Variants in FGF14 observed in about 807,000 individuals in gnomAD.
The protein encoded by FGF14 is fibroblast growth factor 14.
A neutral mutation model predicts 25.5 loss-of-function variants in FGF14; 5 were observed. That is an observed-to-expected ratio of 0.20 (90% CI 0.10 to 0.41). FGF14 has a LOEUF of 0.41. Among genes scored for constraint, FGF14 ranks in the 10% least tolerant of loss-of-function variants. FGF14 has a pLI of 1.00. For synonymous variants in FGF14, 138 were observed against 118.3 expected (o/e 1.17, Z -1.08); for missense variants, 222 against 320.1 (o/e 0.69, Z 2.34).
intron 1 of FGF14, among the ~76,000 whole-genome samples, chr13:102,200,569 C>T (rs546982077): frequency 2.6e-5 from 4 of 151,446 alleles, no homozygotes; most frequent in African/African-American, 7.3e-5. Flanking sequence ...AAGAAAGTGG[C>T]CAGCCAACTA....
chr13:101,743,106 T>C (rs1299133331), intron 3 of FGF14, among the ~76,000 whole-genome samples: 1 of 152,222 alleles, frequency 6.6e-6, no homozygotes, highest in Non-Finnish European at 1.5e-5. Context: ...TTGATTGATG[T>C]CTCATGTAGC....
At chr13:101,806,615 G>A (rs892579805) in intron 3 of FGF14, among the ~76,000 whole-genome samples, 14 of 151,978 alleles carry the variant, frequency 9.2e-5, no homozygotes, top group Non-Finnish European at 1.9e-4. Flanking sequence ...AAGGGACACA[G>A]CTTTAAAATA....
At chr13:101,763,060 G>C (rs775378911) in intron 3 of FGF14, among the ~76,000 whole-genome samples, 1 of 152,138 alleles carries the variant, frequency 6.6e-6, no homozygotes, top group Non-Finnish European at 1.5e-5. Flanking sequence ...CACAAGGAAA[G>C]GCAAACATAG....
chr13:101,778,033 CAT>C (rs753715978), intron 3 of FGF14, among the ~76,000 whole-genome samples: 6 of 152,154 alleles, frequency 3.9e-5, no homozygotes, highest in Admixed American at 6.5e-5. Context: ...TGTGATAAAA[CAT>C]ATGCTCGGAA....
intron 3 of FGF14, among the ~76,000 whole-genome samples, chr13:101,844,706 T>C (rs1458507841): frequency 6.6e-6 from 1 of 152,064 alleles, no homozygotes; most frequent in Non-Finnish European, 1.5e-5. Context: ...TACATTTCCA[T>C]TGACGTTCAG....
At position 101,712,118 on chromosome 13, in the gene FGF14, C is replaced by T. The variant is rs1436765395; in HGVS notation, c.*10713G>A. 1 of 152,206 alleles carries T rather than the reference C, an allele frequency of 6.6e-6. No homozygotes were observed. Among genetic ancestry groups the T allele is most frequent in the Non-Finnish European group, 1.5e-5 (1 of 68,046 alleles). The allele number at this position is 152,206 out of a possible 1,614,324, so 9.4% of individuals were successfully genotyped here. A position where few individuals can be genotyped will look rare whatever the true frequency, so the allele number is the denominator to read the frequency against. Reference sequence around the variant, plus strand: ...AAAGTGCTATAATAGGTCCTAATAACTATTCACACTGTGTTATTACTATGT... The same window carrying T: ...AAAGTGCTATAATAGGTCCTAATAATTATTCACACTGTGTTATTACTATGT... On this transcript the variant is annotated 3_prime_UTR_variant, in exon 5 of 5. Transcript: ENST00000376143.
chr13:102,223,734 C>T (rs901911028), intron 1 of FGF14, among the ~76,000 whole-genome samples: 2 of 152,094 alleles, frequency 1.3e-5, no homozygotes, highest in Non-Finnish European at 2.9e-5. Flanking sequence ...CTATCCCAAA[C>T]GTTGCTACCA....
At chr13:102,328,065 C>T (rs1185668873) in intron 1 of FGF14, among the ~76,000 whole-genome samples, 2 of 151,486 alleles carry the variant, frequency 1.3e-5, no homozygotes, top group African/African-American at 2.4e-5. Context: ...TGGCCTAAAA[C>T]TCATAAGTCT....
chr13:101,987,453 G>A (rs1013939154), intron 1 of FGF14, among the ~76,000 whole-genome samples: 63 of 151,868 alleles, frequency 4.1e-4, no homozygotes, highest in African/African-American at 1.5e-3. Context: ...GGCTATTCCC[G>A]ACCCCCATAT....
At chr13:102,295,030 T>C (rs2054625873) in intron 1 of FGF14, among the ~76,000 whole-genome samples, 1 of 152,186 alleles carries the variant, frequency 6.6e-6, no homozygotes, top group East Asian at 1.9e-4. Flanking sequence ...TTTTCTCCCA[T>C]CAGTTTGTGG....
chr13:102,016,816 A>G (rs1348188970), intron 1 of FGF14: 2 of 152,242 alleles, frequency 1.3e-5, no homozygotes, highest in East Asian at 1.9e-4. Flanking sequence ...TAACCTTGCC[A>G]TCTTTCCCCC....
At chr13:101,858,873 A>G (rs530778342) in intron 3 of FGF14, among the ~76,000 whole-genome samples, 1 of 152,228 alleles carries the variant, frequency 6.6e-6, no homozygotes, top group South Asian at 2.1e-4. Context: ...AGTGGTGGCA[A>G]CATTTACTAA....
chr13:101,859,407 TTTTTTC>T (rs1237519137), intron 3 of FGF14, among the ~76,000 whole-genome samples: 2 of 152,104 alleles, frequency 1.3e-5, no homozygotes, highest in African/African-American at 4.8e-5. Flanking sequence ...GTTTTTGTTA[TTTTTTC>T]TTTTTCAATT....
At position 102,268,973 on chromosome 13, in the gene FGF14, A is replaced by G. The variant is rs370843232; in HGVS notation, c.208+132498T>C. On this transcript the variant is annotated intron_variant, in intron 1 of 4. Transcript: ENST00000376131. ...TGGCAAAATAATATTTAGCTTGTGT[A>G]CCATATCACCTAACAATTAGCAATC... Among the ~76,000 whole-genome samples, 5 of 152,212 alleles carry G rather than the reference A, an allele frequency of 3.3e-5. No homozygotes were observed. The South Asian group carries it at 6.2e-4, about 19-fold the overall frequency.
intron 1 of FGF14, among the ~76,000 whole-genome samples, chr13:101,943,359 G>C (rs1445022551): frequency 1.3e-5 from 2 of 152,204 alleles, no homozygotes; most frequent in Non-Finnish European, 2.9e-5. Context: ...ATATAAACCA[G>C]TGGTTCTCAA....
intron 1 of FGF14, among the ~76,000 whole-genome samples, chr13:102,135,154 G>A (rs1362940321): frequency 6.6e-6 from 1 of 152,092 alleles, no homozygotes; most frequent in East Asian, 1.9e-4. Context: ...GCTATAGTAA[G>A]CTATGATCGC....
intron 1 of FGF14, among the ~76,000 whole-genome samples, chr13:102,073,670 T>C (rs1339268446): frequency 6.6e-6 from 1 of 152,224 alleles, no homozygotes; most frequent in African/African-American, 2.4e-5. Flanking sequence ...TGACTAAATC[T>C]TTCATGCTAA....
At chr13:102,105,705 G>A (rs2044875115) in intron 1 of FGF14, among the ~76,000 whole-genome samples, 1 of 152,130 alleles carries the variant, frequency 6.6e-6, no homozygotes, top group South Asian at 2.1e-4. Context: ...TTGTAATATA[G>A]TCAGTGATTC....
intron 1 of FGF14, among the ~76,000 whole-genome samples, chr13:102,046,488 G>A (rs1413476054): frequency 1.3e-5 from 2 of 152,104 alleles, no homozygotes; most frequent in Admixed American, 6.6e-5. Context: ...ATGATGTTGC[G>A]TCAAATAGGA....
Sources: allele counts gnomAD v4.1 joint callset (sites outside exome capture counted in the v4.1 genomes callset), GRCh38; gene constraint gnomAD v4.1.1; transcripts MANE v1.5; gene names NCBI Gene and HGNC (gene_info 2026-07-23, HGNC 2026-07-21).